The following CLSTN2 variants were observed in gnomAD, a reference collection of about 807,000 sequenced individuals.
CLSTN2 encodes calsyntenin-2.
Under a neutral mutation model 101.2 loss-of-function variants are expected in CLSTN2, and 48 were observed. The observed-to-expected ratio is 0.47, with a 90% CI of 0.38 to 0.60. The LOEUF (loss-of-function observed/expected upper bound fraction) is 0.60, where lower values mean the gene tolerates loss of function less well. CLSTN2 is among the 20% of genes least tolerant of loss of function. CLSTN2 has a pLI of 0.00. For missense variants in CLSTN2, 1,160 were observed against 1,238.2 expected (o/e 0.94, Z 0.95); for synonymous variants, 481 against 463.6 (o/e 1.04, Z -0.48).
At chr3:139,944,753 C>T (rs1351746166) in intron 1 of CLSTN2, among the ~76,000 whole-genome samples, 2 of 152,240 alleles carry the variant, frequency 1.3e-5, no homozygotes, top group African/African-American at 4.8e-5. Context: ...GTACCTTCTC[C>T]CGTCAGCACT....
At chr3:140,053,227 CT>C (rs1400124404) in intron 1 of CLSTN2, among the ~76,000 whole-genome samples, 18 of 152,222 alleles carry the variant, frequency 1.2e-4, no homozygotes, top group Admixed American at 6.5e-4. Flanking sequence ...TTTCACGCTT[CT>C]GGCTCTTCAC....
chr3:140,106,987 A>G (rs2009069709), intron 1 of CLSTN2, among the ~76,000 whole-genome samples: 1 of 152,170 alleles, frequency 6.6e-6, no homozygotes, highest in African/African-American at 2.4e-5. Flanking sequence ...TGACATGACA[A>G]TTTGTCCTTT....
chr3:140,406,056 A>C (rs1031354837), intron 4 of CLSTN2, among the ~76,000 whole-genome samples: 3 of 152,232 alleles, frequency 2.0e-5, no homozygotes, highest in Non-Finnish European at 4.4e-5. Context: ...ATCCAGTGGC[A>C]GCAAGGGTGA....
intron 1 of CLSTN2, among the ~76,000 whole-genome samples, chr3:140,056,648 C>A (rs769491876): frequency 6.6e-6 from 1 of 152,146 alleles, no homozygotes; most frequent in East Asian, 1.9e-4. Flanking sequence ...AATTCAGAGG[C>A]CCTTCAGGGC....
Position 140,539,677 on chromosome 3 carries a change from G to A in CLSTN2, c.1508-6838G>A, listed in dbSNP as rs539053390. 3.3e-5 allele frequency among the ~76,000 whole-genome samples: 5 copies of A among 152,328 alleles called. No individual in the cohort carries two copies. In the East Asian group the frequency reaches 9.6e-4, roughly 29 times the overall value. ...GCCAAGTCTGAGTTGTACGCAGCCA[G>A]TGCAGTGCTGAGCATCTTACATGTG... On this transcript the variant is annotated intron_variant, in intron 9 of 16. Transcript: ENST00000458420.
intron 2 of CLSTN2, among the ~76,000 whole-genome samples, chr3:140,304,853 C>T (rs2087096056): frequency 6.6e-6 from 1 of 152,160 alleles, no homozygotes; most frequent in South Asian, 2.1e-4. Flanking sequence ...GGGTAAAATG[C>T]TCAACCTCTT....
chr3:140,115,076 G>A (rs2009218814), intron 1 of CLSTN2, among the ~76,000 whole-genome samples: 1 of 152,198 alleles, frequency 6.6e-6, no homozygotes, highest in African/African-American at 2.4e-5. Flanking sequence ...GATTATGTGT[G>A]TAGTTCCCTG....
At chr3:140,306,040 T>G (rs2107913255) in intron 2 of CLSTN2, among the ~76,000 whole-genome samples, 1 of 152,302 alleles carries the variant, frequency 6.6e-6, no homozygotes, top group South Asian at 2.1e-4. Flanking sequence ...CACTAGTCAG[T>G]TACTCTCACT....
chr3:140,080,785 C>A (rs2008581995), intron 1 of CLSTN2, among the ~76,000 whole-genome samples: 1 of 152,214 alleles, frequency 6.6e-6, no homozygotes, highest in Admixed American at 6.5e-5. Flanking sequence ...GGGGCTGGAG[C>A]TCTGTTAGCC....
chr3:140,554,752 A>G (rs1189545126), intron 10 of CLSTN2, among the ~76,000 whole-genome samples: 4 of 152,226 alleles, frequency 2.6e-5, no homozygotes, highest in African/African-American at 9.6e-5. Flanking sequence ...ATATTGGGAA[A>G]CTGGTTTTAA....
At chr3:140,110,981 G>A (rs2009146303) in intron 1 of CLSTN2, among the ~76,000 whole-genome samples, 2 of 152,146 alleles carry the variant, frequency 1.3e-5, no homozygotes, top group Non-Finnish European at 2.9e-5. Flanking sequence ...TGTCCAGATT[G>A]TACTCCTAGA....
chr3:140,187,879 G>A (rs1036294563), intron 2 of CLSTN2, among the ~76,000 whole-genome samples: 2 of 152,074 alleles, frequency 1.3e-5, no homozygotes, highest in Non-Finnish European at 2.9e-5. Flanking sequence ...GTGCTGAGAT[G>A]GGCCATATAA....
At position 139,943,468 on chromosome 3, in the gene CLSTN2, G is replaced by GT. The variant is rs572820655; in HGVS notation, c.109+7990dup. ...CACCCTCCACGCTAAGGTCTGTAAG[G>GT]TTTTTAAGAATAGCTTAACACTCTG... On this transcript the variant is annotated intron_variant, in intron 1 of 16. Coordinates refer to ENST00000458420, the MANE Select transcript of CLSTN2 (RefSeq NM_022131.3). 4.4e-3 allele frequency among the ~76,000 whole-genome samples: 663 copies of GT among 152,228 alleles called. 2 individuals carry two copies. The highest frequency in any genetic ancestry group is 0.015 in the African/African-American group (638 of 41,544).
chr3:140,527,245 TC>T (rs1935162369), intron 8 of CLSTN2, among the ~76,000 whole-genome samples: 1 of 151,660 alleles, frequency 6.6e-6, no homozygotes, highest in South Asian at 2.1e-4. Context: ...AAACAAATAA[TC>T]TCATTTAAAA....
chr3:140,436,475 G>A (rs2088688810), intron 5 of CLSTN2, among the ~76,000 whole-genome samples: 2 of 152,262 alleles, frequency 1.3e-5, no homozygotes, highest in Admixed American at 1.3e-4. Context: ...GAACTGTCTA[G>A]AGAGATTCTG....
At position 140,097,124 on chromosome 3, in the gene CLSTN2, C is replaced by A. The variant is rs867172047; in HGVS notation, c.110-78827C>A. Among the ~76,000 whole-genome samples the A allele has an allele frequency of 5.3e-5, 8 of 152,130 alleles. No homozygotes were observed. The South Asian group carries it at 1.7e-3, about 32-fold the overall frequency. On this transcript the variant is annotated intron_variant, in intron 1 of 16. Coordinates refer to ENST00000458420, the MANE Select transcript of CLSTN2 (RefSeq NM_022131.3). ...AATTATTTTGTCAAATGAGTGGACA[C>A]TTTTTGAGTATTGATAATGTGCCAG...
chr3:140,054,232 G>A (rs892401596), intron 1 of CLSTN2, among the ~76,000 whole-genome samples: 2 of 152,082 alleles, frequency 1.3e-5, no homozygotes, highest in Non-Finnish European at 2.9e-5. Flanking sequence ...TAGCAAGGAG[G>A]CTGGGCATTT....
At chr3:140,241,396 C>T (rs9875419) in intron 2 of CLSTN2, among the ~76,000 whole-genome samples, 147,560 of 152,220 alleles carry the variant, frequency 0.97, 71,667 homozygotes, top group East Asian at 1. Flanking sequence ...AGAGTGGACT[C>T]AATGTTTCGT....
chr3:140,428,495 T>A (rs1049845953), intron 5 of CLSTN2, among the ~76,000 whole-genome samples: 3 of 152,286 alleles, frequency 2.0e-5, no homozygotes. Flanking sequence ...TGTTGCTGAC[T>A]GGACTTCCAG....
Sources: gnomAD v4.1 joint callset for allele counts (sites outside exome capture counted in the v4.1 genomes callset) on GRCh38, gnomAD v4.1.1 for gene constraint, MANE v1.5 for transcripts, NCBI Gene and HGNC (gene_info 2026-07-23, HGNC 2026-07-21) for gene names.